The following FAM78B variants were observed in gnomAD, a reference collection of about 807,000 sequenced individuals.
FAM78B encodes the protein protein FAM78B.
In FAM78B, 10 loss-of-function variants were observed where a neutral mutation model predicts 20.0. That is an observed-to-expected ratio of 0.50 (90% CI 0.31 to 0.85). The LOEUF (loss-of-function observed/expected upper bound fraction) is 0.85, where lower values mean the gene tolerates loss of function less well. Among genes scored for constraint, FAM78B ranks in the 40% least tolerant of loss-of-function variants. The pLI, the probability that FAM78B is intolerant of heterozygous loss-of-function variation, is 0.05. For missense variants in FAM78B, 283 were observed against 345.0 expected (o/e 0.82, Z 1.42); for synonymous variants, 135 against 132.8 (o/e 1.02, Z -0.12).
chr1:166,138,502 A>G (rs1448485255), intron 1 of FAM78B, among the ~76,000 whole-genome samples: 1 of 152,146 alleles, frequency 6.6e-6, no homozygotes, highest in African/African-American at 2.4e-5. Flanking sequence ...AGTGACAGTT[A>G]CCATTGAGAG....
chr1:166,077,936 A>T (rs71519275), intron 1 of FAM78B, among the ~76,000 whole-genome samples: 101 of 9,792 alleles, frequency 0.01, 12 homozygotes, highest in Middle Eastern at 0.1. Flanking sequence ...AATATATAAT[A>T]ATATATATAA....
intron 2 of FAM78B, among the ~76,000 whole-genome samples, chr1:166,063,627 G>A (rs1651691471): frequency 6.6e-6 from 1 of 152,284 alleles, no homozygotes; most frequent in African/African-American, 2.4e-5. Context: ...GGACTGGCAT[G>A]AAGCAAACAA....
At chr1:166,061,795 T>C (rs1423671120) in intron 2 of FAM78B, among the ~76,000 whole-genome samples, 1 of 152,098 alleles carries the variant, frequency 6.6e-6, no homozygotes, top group Non-Finnish European at 1.5e-5. Flanking sequence ...CTCAATACCT[T>C]GTGTGACACA....
intron 1 of FAM78B, among the ~76,000 whole-genome samples, chr1:166,080,032 ATCTT>A (rs1305075707): frequency 2.6e-5 from 4 of 152,308 alleles, no homozygotes; most frequent in Non-Finnish European, 5.9e-5. Context: ...TGAGGTGGGC[ATCTT>A]TCTATTTTCC....
chr1:166,124,634 AGGCTTCAGTCTACCT>A (rs1654576435), intron 1 of FAM78B, among the ~76,000 whole-genome samples: 1 of 152,228 alleles, frequency 6.6e-6, no homozygotes, highest in African/African-American at 2.4e-5. Flanking sequence ...ATAATTTAAC[AGGCTTCAGTCTACCT>A]GGCTAGGCTG....
chr1:166,113,964 T>A (rs941614650), intron 1 of FAM78B, among the ~76,000 whole-genome samples: 1 of 152,114 alleles, frequency 6.6e-6, no homozygotes, highest in Non-Finnish European at 1.5e-5. Context: ...AAGCAGCCCA[T>A]CAGAACCCTT....
intron 1 of FAM78B, among the ~76,000 whole-genome samples, chr1:166,100,839 C>G (rs1471713626): frequency 2.6e-5 from 4 of 152,204 alleles, no homozygotes; most frequent in African/African-American, 7.2e-5. Context: ...GATTGGAAGA[C>G]AGTAGTGGTT....
intron 2 of FAM78B, among the ~76,000 whole-genome samples, chr1:166,062,545 G>A (rs951868905): frequency 6.6e-6 from 1 of 152,238 alleles, no homozygotes; most frequent in Non-Finnish European, 1.5e-5. Flanking sequence ...GAAGACTTAG[G>A]AAATTTTTCA....
intron 1 of FAM78B, among the ~76,000 whole-genome samples, chr1:166,164,144 A>G (rs1656264851): frequency 6.6e-6 from 1 of 152,224 alleles, no homozygotes; most frequent in Non-Finnish European, 1.5e-5. Context: ...ACTTATTCAT[A>G]AGAGATTTGA....
chr1:166,095,642 CT>C (rs1280770482), intron 1 of FAM78B, among the ~76,000 whole-genome samples: 2 of 152,186 alleles, frequency 1.3e-5, no homozygotes, highest in Admixed American at 1.3e-4. Flanking sequence ...CCCAGGCCTC[CT>C]CAGAGTCCCC....
chr1:166,132,061 A>G (rs1654894100), intron 1 of FAM78B, among the ~76,000 whole-genome samples: 1 of 152,224 alleles, frequency 6.6e-6, no homozygotes, highest in South Asian at 2.1e-4. Context: ...ATTTTCTCCA[A>G]TTTTAAAAAC....
At chr1:166,132,437 T>C (rs1654910044) in intron 1 of FAM78B, among the ~76,000 whole-genome samples, 1 of 152,246 alleles carries the variant, frequency 6.6e-6, no homozygotes, top group African/African-American at 2.4e-5. Flanking sequence ...ATAATATTAC[T>C]GCTTACCTTT....
intron 1 of FAM78B, among the ~76,000 whole-genome samples, chr1:166,119,528 GC>G (rs1041287852): frequency 1.1e-4 from 16 of 152,170 alleles, no homozygotes; most frequent in African/African-American, 3.4e-4. Context: ...GAATCAATCA[GC>G]CCATTAGCAT....
At chr1:166,156,321 T>C (rs1458248199) in intron 1 of FAM78B, among the ~76,000 whole-genome samples, 1 of 152,256 alleles carries the variant, frequency 6.6e-6, no homozygotes, top group Admixed American at 6.5e-5. Flanking sequence ...TCTTCAGACA[T>C]CATAAATGAT....
At chr1:166,111,054 T>C (rs770848014) in intron 1 of FAM78B, among the ~76,000 whole-genome samples, 89 of 152,266 alleles carry the variant, frequency 5.8e-4, no homozygotes, top group Middle Eastern at 3.4e-3. Context: ...GCTTGGAGCA[T>C]GGAAAGTGTA....
downstream of FAM78B, among the ~76,000 whole-genome samples, chr1:166,064,696 G>A (rs1651735673): frequency 6.6e-6 from 1 of 152,208 alleles, no homozygotes. Flanking sequence ...GGGCTTCCAA[G>A]TAGATGAGGC....
At chr1:166,139,654 T>C (rs1655205316) in intron 1 of FAM78B, among the ~76,000 whole-genome samples, 1 of 152,160 alleles carries the variant, frequency 6.6e-6, no homozygotes, top group Admixed American at 6.5e-5. Flanking sequence ...GGTTTGTGAC[T>C]GGCTTCAGCA....
intron 1 of FAM78B, among the ~76,000 whole-genome samples, chr1:166,112,194 T>G (rs763498192): frequency 6.6e-6 from 1 of 152,234 alleles, no homozygotes; most frequent in Non-Finnish European, 1.5e-5. Context: ...GGATTAGCCT[T>G]CTTACTTATT....
intron 1 of FAM78B, among the ~76,000 whole-genome samples, chr1:166,152,695 T>TTG (rs1557919358): frequency 1.3e-3 from 187 of 149,244 alleles, no homozygotes; most frequent in African/African-American, 3.9e-3. Flanking sequence ...TTTATTTATT[T>TTG]ATTGATGGAA....
Sources: gnomAD v4.1 joint callset for allele counts (sites outside exome capture counted in the v4.1 genomes callset) on GRCh38, gnomAD v4.1.1 for gene constraint, MANE v1.5 for transcripts, NCBI Gene and HGNC (gene_info 2026-07-23, HGNC 2026-07-21) for gene names.